SGCZ: variants seen among roughly 807,000 people sequenced by gnomAD.
SGCZ encodes zeta-sarcoglycan.
Under a neutral mutation model 41.3 loss-of-function variants are expected in SGCZ, and 40 were observed. That is an observed-to-expected ratio of 0.97 (90% CI 0.75 to 1.26). The LOEUF (loss-of-function observed/expected upper bound fraction) is 1.26, where lower values mean the gene tolerates loss of function less well. Among genes scored for constraint, SGCZ ranks in the 50% most tolerant of loss-of-function variants. The probability of loss-of-function intolerance (pLI) is 0.00; values close to 1 mark genes in which losing one functional copy is unlikely to be tolerated. For synonymous variants in SGCZ, 206 were observed against 137.5 expected, an observed-to-expected ratio of 1.50 and a Z score of -3.49; for missense variants, 552 against 369.8, an observed-to-expected ratio of 1.49 and a Z score of -4.04.
chr8:15,102,713 A>G (rs1286072235), intron 1 of SGCZ, among the ~76,000 whole-genome samples: 5 of 152,224 alleles, frequency 3.3e-5, no homozygotes, highest in African/African-American at 1.2e-4. Context: ...AAAAATTATA[A>G]AATGTTTATA....
At chr8:14,630,339 A>T (rs1474304640) in intron 1 of SGCZ, among the ~76,000 whole-genome samples, 4 of 151,600 alleles carry the variant, frequency 2.6e-5, no homozygotes, top group Non-Finnish European at 4.4e-5. Context: ...GGCTTGGAGG[A>T]GAGAGATGGC....
In SGCZ at chr8:14,087,577, T is replaced by C. The variant is rs1187373579; in HGVS notation, c.*2866A>G. Among the ~76,000 whole-genome samples the C allele has an allele frequency of 6.6e-6, 1 of 151,646 alleles. No homozygotes were observed. The highest frequency in any genetic ancestry group is 1.5e-5 in the Non-Finnish European group (1 of 67,732). On this transcript the variant is annotated 3_prime_UTR_variant, in exon 8 of 8. Transcript: ENST00000382080. Reference sequence around the variant, plus strand: ...ATGTAGTACACTATAAAGGACTCATTTTTCTCAGTGTCATTTGGGGAAGAT... The same window carrying C: ...ATGTAGTACACTATAAAGGACTCATCTTTCTCAGTGTCATTTGGGGAAGAT...
intron 2 of SGCZ, among the ~76,000 whole-genome samples, chr8:14,468,261 T>C (rs1262501001): frequency 6.6e-6 from 1 of 152,028 alleles, no homozygotes; most frequent in East Asian, 1.9e-4. Context: ...TCAGCAGTAA[T>C]CTATTTCATT....
intron 1 of SGCZ, among the ~76,000 whole-genome samples, chr8:14,713,015 T>C (rs561938931): frequency 1.3e-5 from 2 of 152,246 alleles, no homozygotes; most frequent in African/African-American, 2.4e-5. Flanking sequence ...CCTAAACTAC[T>C]GTGTAGGCCC....
intron 1 of SGCZ, among the ~76,000 whole-genome samples, chr8:14,563,676 T>G (rs1175499968): frequency 6.6e-6 from 1 of 152,162 alleles, no homozygotes; most frequent in Non-Finnish European, 1.5e-5. Flanking sequence ...TGAGATCTGG[T>G]ACATAGCTTT....
chr8:15,188,849 G>C (rs145535159), intron 1 of SGCZ, among the ~76,000 whole-genome samples: 209 of 152,132 alleles, frequency 1.4e-3, no homozygotes, highest in African/African-American at 4.8e-3. Flanking sequence ...AGGAAGGAAA[G>C]GCAGAGAGGA....
chr8:14,710,837 G>A (rs1438402864), intron 1 of SGCZ, among the ~76,000 whole-genome samples: 2 of 152,026 alleles, frequency 1.3e-5, no homozygotes, highest in Non-Finnish European at 1.5e-5. Context: ...TTTGAAAAAA[G>A]TCATGCGGAA....
At chr8:14,815,699 TGAG>T (rs1801882697) in intron 1 of SGCZ, among the ~76,000 whole-genome samples, 2 of 152,206 alleles carry the variant, frequency 1.3e-5, no homozygotes. Flanking sequence ...CCATTCAGCA[TGAG>T]GAGTCTAACC....
At chr8:15,168,969 G>C (rs1799748489) in intron 1 of SGCZ, among the ~76,000 whole-genome samples, 1 of 152,140 alleles carries the variant, frequency 6.6e-6, no homozygotes, top group Non-Finnish European at 1.5e-5. Context: ...GTGTAAACTG[G>C]TAAAAGGCCT....
chr8:14,406,456 T>A (rs1042914465), intron 2 of SGCZ, among the ~76,000 whole-genome samples: 1 of 152,184 alleles, frequency 6.6e-6, no homozygotes, highest in Non-Finnish European at 1.5e-5. Flanking sequence ...TTTCTCTTGT[T>A]CATTGCTGGG....
chr8:14,238,141 C>G (rs968840436), intron 3 of SGCZ, among the ~76,000 whole-genome samples: 1 of 152,204 alleles, frequency 6.6e-6, no homozygotes, highest in African/African-American at 2.4e-5. Flanking sequence ...TCCTCAAACT[C>G]CCAATGTCCA....
At chr8:14,145,261 A>G (rs1803486576) in intron 5 of SGCZ, among the ~76,000 whole-genome samples, 1 of 152,154 alleles carries the variant, frequency 6.6e-6, no homozygotes, top group Non-Finnish European at 1.5e-5. Flanking sequence ...GTAAGGGAAG[A>G]TAACAAGAGT....
intron 2 of SGCZ, among the ~76,000 whole-genome samples, chr8:14,460,293 A>G (rs1273406099): frequency 6.6e-6 from 1 of 152,238 alleles, no homozygotes; most frequent in African/African-American, 2.4e-5. Context: ...TGTCCAAGCT[A>G]AAAGAGTTAT....
chr8:14,249,575 G>A (rs995704682), intron 3 of SGCZ, among the ~76,000 whole-genome samples: 4 of 152,216 alleles, frequency 2.6e-5, no homozygotes, highest in South Asian at 4.1e-4. Flanking sequence ...CTATGATTTC[G>A]CATACTTTGA....
At chr8:14,726,278 T>A (rs1302545228) in intron 1 of SGCZ, among the ~76,000 whole-genome samples, 7 of 93,962 alleles carry the variant, frequency 7.4e-5, no homozygotes, top group Non-Finnish European at 1.3e-4. Flanking sequence ...AAAAAAAAAA[T>A]CATACGCGTG....
chr8:14,525,177 TAGATAGATA>T (rs1802908163), intron 2 of SGCZ, among the ~76,000 whole-genome samples: 1 of 143,408 alleles, frequency 7.0e-6, no homozygotes, highest in Non-Finnish European at 1.5e-5. Context: ...GATAGATAGA[TAGATAGATA>T]GATAGATAGA....
At chr8:14,977,792 G>T (rs530271520) in intron 1 of SGCZ, among the ~76,000 whole-genome samples, 2 of 151,724 alleles carry the variant, frequency 1.3e-5, no homozygotes, top group East Asian at 1.9e-4. Context: ...AAACCAAAAA[G>T]CTATCTATGA....
In SGCZ at chr8:14,088,003, T is replaced by A. The variant is rs1486856837; in HGVS notation, c.*2440A>T. On this transcript the variant is annotated 3_prime_UTR_variant, in exon 8 of 8. Transcript: ENST00000382080. ...TACTTTTGAATTATGTCTATACTTCTCAGAATGCATTTGAATTAAAAATGT... is the reference window on the plus strand; with the variant it reads ...TACTTTTGAATTATGTCTATACTTCACAGAATGCATTTGAATTAAAAATGT... 6.6e-6 allele frequency among the ~76,000 whole-genome samples: 1 copy of A among 151,884 alleles called. No individual in the cohort carries two copies. Among genetic ancestry groups the A allele is most frequent in the Admixed American group, 6.6e-5 (1 of 15,198 alleles).
intron 2 of SGCZ, among the ~76,000 whole-genome samples, chr8:14,548,892 T>C (rs537379313): frequency 6.6e-6 from 1 of 152,248 alleles, no homozygotes; most frequent in South Asian, 2.1e-4. Flanking sequence ...GCGGGAATTA[T>C]GTCTGATTTT....
Sources: allele counts gnomAD v4.1 joint callset (sites outside exome capture counted in the v4.1 genomes callset), GRCh38; gene constraint gnomAD v4.1.1; transcripts MANE v1.5; gene names NCBI Gene and HGNC (gene_info 2026-07-23, HGNC 2026-07-21).